The following CSMD1 variants were observed in gnomAD, a reference collection of about 807,000 sequenced individuals.
The protein encoded by CSMD1 is CUB and Sushi multiple domains 1, also known as CUB and sushi domain-containing protein 1.
Under a neutral mutation model 417.5 loss-of-function variants are expected in CSMD1, and 213 were observed. The ratio of observed to expected loss-of-function variants is 0.51; its 90% CI spans 0.46 to 0.57. CSMD1 has a LOEUF of 0.57. Ranked by LOEUF, CSMD1 falls within the 20% of genes least tolerant of loss-of-function variation. The pLI, the probability that CSMD1 is intolerant of heterozygous loss-of-function variation, is 0.00. For missense variants in CSMD1, 6,923 were observed against 4,529.7 expected, an observed-to-expected ratio of 1.53 and a Z score of -15.17; for synonymous variants, 2,862 against 1,736.8, an observed-to-expected ratio of 1.65 and a Z score of -16.11.
rs73171177 is a variant in CSMD1, at chr8:3,330,694, G to A, written c.3631+12600C>T. Among the ~76,000 whole-genome samples the A allele has an allele frequency of 1.9e-3, 285 of 152,116 alleles. 1 individual carries two copies. Among genetic ancestry groups the A allele is most frequent in the Admixed American group, 5.0e-3 (77 of 15,274 alleles). ...CAAATAATCTGTACAACAAACCCCC[G>A]TGACATGAGTTTACCCAAATAACAA... On this transcript the variant is annotated intron_variant, in intron 23 of 69. Transcript: ENST00000635120.
At chr8:4,064,845 G>A (rs1165326941) in intron 3 of CSMD1, among the ~76,000 whole-genome samples, 2 of 152,060 alleles carry the variant, frequency 1.3e-5, no homozygotes, top group Non-Finnish European at 2.9e-5. Flanking sequence ...ATAATGTGAT[G>A]TAAGTGTACT....
intron 7 of CSMD1, among the ~76,000 whole-genome samples, chr8:3,698,077 T>G (rs1352281128): frequency 6.6e-6 from 1 of 152,208 alleles, no homozygotes; most frequent in Non-Finnish European, 1.5e-5. Context: ...TTATATGATA[T>G]AAACGGTATG....
chr8:3,178,034 T>C (rs1821052028), intron 37 of CSMD1, among the ~76,000 whole-genome samples: 2 of 152,238 alleles, frequency 1.3e-5, no homozygotes, highest in African/African-American at 4.8e-5. Context: ...TCAAAGATGC[T>C]AATCTTTTTG....
intron 5 of CSMD1, among the ~76,000 whole-genome samples, chr8:3,969,109 G>A (rs1450364119): frequency 6.6e-6 from 1 of 152,136 alleles, no homozygotes; most frequent in African/African-American, 2.4e-5. Context: ...AAATTAGCCA[G>A]GCTTGGTGGC....
chr8:3,986,755 A>C (rs911514490), intron 5 of CSMD1, among the ~76,000 whole-genome samples: 3 of 142,506 alleles, frequency 2.1e-5, no homozygotes, highest in Admixed American at 2.1e-4. Context: ...ACAATGTTTA[A>C]GTGATTTTTC....
chr8:4,055,677 A>C (rs895503142), intron 3 of CSMD1, among the ~76,000 whole-genome samples: 1 of 152,182 alleles, frequency 6.6e-6, no homozygotes, highest in Admixed American at 6.5e-5. Context: ...ATGCCACCAA[A>C]GTAACAATAT....
chr8:3,976,639 C>G (rs934736170), intron 5 of CSMD1, among the ~76,000 whole-genome samples: 1 of 152,158 alleles, frequency 6.6e-6, no homozygotes, highest in Admixed American at 6.5e-5. Flanking sequence ...CTATGACCAC[C>G]CTGATCAATG....
intron 3 of CSMD1, among the ~76,000 whole-genome samples, chr8:4,374,715 C>T (rs1466907717): frequency 6.6e-6 from 1 of 152,104 alleles, no homozygotes; most frequent in Non-Finnish European, 1.5e-5. Flanking sequence ...GCATCCGTGT[C>T]TGGAGCAGAC....
rs1294300444 is a variant in CSMD1, at chr8:3,122,332, T to C, written c.6242-3745A>G. ...TTCCAGTGCTGCTTTCTGGTAAAGC[T>C]ACATTATACCATGGAACTACTGCGT... On this transcript the variant is annotated intron_variant, in intron 41 of 69. Coordinates refer to ENST00000635120, the MANE Select transcript of CSMD1 (RefSeq NM_033225.6). 2.6e-5 allele frequency among the ~76,000 whole-genome samples: 4 copies of C among 152,224 alleles called. No homozygotes were observed. The East Asian group carries it at 7.7e-4, about 29-fold the overall frequency.
intron 1 of CSMD1, among the ~76,000 whole-genome samples, chr8:4,819,008 G>A (rs1237647813): frequency 1.3e-5 from 2 of 152,102 alleles, no homozygotes; most frequent in Non-Finnish European, 2.9e-5. Context: ...TATTAGCTAT[G>A]TTTCATGGCT....
chr8:2,980,463 T>A (rs1050711891), intron 54 of CSMD1, among the ~76,000 whole-genome samples: 6 of 151,934 alleles, frequency 3.9e-5, no homozygotes, highest in Non-Finnish European at 7.4e-5. Context: ...ATCCCTCTCT[T>A]CCTTCTCTTT....
At chr8:4,237,028 G>C (rs542197259) in intron 3 of CSMD1, among the ~76,000 whole-genome samples, 1 of 152,124 alleles carries the variant, frequency 6.6e-6, no homozygotes, top group Non-Finnish European at 1.5e-5. Flanking sequence ...TTGCTTCATG[G>C]ATATATGTGT....
Position 2,938,467 on chromosome 8 carries a change from G to C in CSMD1, c.*118C>G, listed in dbSNP as rs1563164262. The C allele has an allele frequency of 1.0e-6, 1 of 973,826 alleles. No homozygotes were observed. Among genetic ancestry groups the C allele is most frequent in the Non-Finnish European group, 1.5e-6 (1 of 662,990 alleles). 60.3% of individuals were successfully genotyped at this position (973,826 alleles called of 1,614,324 possible). A position where few individuals can be genotyped will look rare whatever the true frequency, so the allele number is the denominator to read the frequency against. On this transcript the variant is annotated 3_prime_UTR_variant, in exon 70 of 70. Transcript: ENST00000635120. ...CGCTGCACTTATGCCAGTAGACAAG[G>C]TTGAAGATCGCTGCAGTAAAGCCAG...
At chr8:3,819,702 T>C (rs561547942) in intron 5 of CSMD1, among the ~76,000 whole-genome samples, 1 of 152,222 alleles carries the variant, frequency 6.6e-6, no homozygotes, top group South Asian at 2.1e-4. Flanking sequence ...TCCTCCAATC[T>C]CAGCCTCCTG....
intron 18 of CSMD1, among the ~76,000 whole-genome samples, chr8:3,370,551 G>A (rs1404791376): frequency 6.6e-6 from 1 of 152,222 alleles, no homozygotes; most frequent in Non-Finnish European, 1.5e-5. Flanking sequence ...TAGCTGGTAA[G>A]AGGCCGGTCA....
intron 8 of CSMD1, among the ~76,000 whole-genome samples, chr8:3,588,591 T>A (rs1165020645): frequency 6.6e-6 from 1 of 152,162 alleles, no homozygotes; most frequent in African/African-American, 2.4e-5. Context: ...AACACCTCTA[T>A]CTTTTTCATG....
intron 7 of CSMD1, among the ~76,000 whole-genome samples, chr8:3,635,457 C>G (rs573867724): frequency 6.6e-6 from 1 of 150,608 alleles, no homozygotes; most frequent in African/African-American, 2.4e-5. Context: ...ACACTCCAGC[C>G]TGGGCAATGG....
chr8:3,349,602 T>A (rs866256649), intron 21 of CSMD1, among the ~76,000 whole-genome samples: 14 of 151,912 alleles, frequency 9.2e-5, no homozygotes, highest in Middle Eastern at 6.8e-3. Context: ...TGGGAATTTA[T>A]AATCATTTTA....
intron 3 of CSMD1, among the ~76,000 whole-genome samples, chr8:4,339,210 C>A (rs1174998481): frequency 6.6e-6 from 1 of 152,038 alleles, no homozygotes; most frequent in African/African-American, 2.4e-5. Flanking sequence ...GCAAGTATAC[C>A]CCAGGCAATA....
Sources: gnomAD v4.1 joint callset for allele counts (sites outside exome capture counted in the v4.1 genomes callset) on GRCh38, gnomAD v4.1.1 for gene constraint, MANE v1.5 for transcripts, NCBI Gene and HGNC (gene_info 2026-07-23, HGNC 2026-07-21) for gene names.